THSD4: variants seen among roughly 807,000 people sequenced by gnomAD.
THSD4 encodes thrombospondin type-1 domain-containing protein 4.
In THSD4, 69 loss-of-function variants were observed where a neutral mutation model predicts 119.0. The ratio of observed to expected loss-of-function variants is 0.58; its 90% CI spans 0.48 to 0.71. The LOEUF (loss-of-function observed/expected upper bound fraction) is 0.71. THSD4 is among the 30% of genes least tolerant of loss of function. The probability of loss-of-function intolerance (pLI) is 0.00; values close to 1 mark genes in which losing one functional copy is unlikely to be tolerated. For missense variants in THSD4, 1,393 were observed against 1,391.1 expected (o/e 1.00, Z -0.02); for synonymous variants, 524 against 540.4 (o/e 0.97, Z 0.42).
In THSD4 at chr15:71,762,150, AAC is replaced by A. The variant is rs72267245; in HGVS notation, c.2590-2842_2590-2841del. On this transcript the variant is annotated intron_variant, in intron 15 of 17. Coordinates refer to ENST00000261862, the MANE Select transcript of THSD4 (RefSeq NM_024817.3). ...AAATGCTGTCTCATGCGCGTGTGCA[AAC>A]ACACACACACACACACACACACACA... Among the ~76,000 whole-genome samples, 945 of 112,102 alleles carry A rather than the reference AAC, an allele frequency of 8.4e-3. 4 individuals are homozygous for A. Among genetic ancestry groups the A allele is most frequent in the South Asian group, 0.035 (117 of 3,378 alleles). 73.5% of individuals were successfully genotyped at this position (112,102 alleles called of 152,430 possible).
At chr15:71,463,693 C>G (rs1033616266) in intron 7 of THSD4, among the ~76,000 whole-genome samples, 1 of 152,164 alleles carries the variant, frequency 6.6e-6, no homozygotes, top group Admixed American at 6.5e-5. Context: ...ATTGACCGAC[C>G]TCTTGTCCTC....
At chr15:71,664,088 T>G (rs2051365775) in intron 8 of THSD4, among the ~76,000 whole-genome samples, 3 of 152,078 alleles carry the variant, frequency 2.0e-5, no homozygotes, top group Non-Finnish European at 4.4e-5. Context: ...GTTCACGCCA[T>G]TCTCCTGCCT....
intron 7 of THSD4, among the ~76,000 whole-genome samples, chr15:71,608,241 TATATATATAC>T (rs1292688038): frequency 1.2e-5 from 1 of 80,410 alleles, no homozygotes; most frequent in Admixed American, 1.6e-4. Context: ...AAAAAAAATA[TATATATATAC>T]ACACACACAC....
chr15:71,514,993 A>G lies in THSD4; in HGVS notation c.1152+103170A>G, dbSNP rs186646896. Among the ~76,000 whole-genome samples the G allele has an allele frequency of 3.8e-3, 582 of 152,346 alleles. 2 individuals are homozygous for G. Among genetic ancestry groups the G allele is most frequent in the Non-Finnish European group, 6.0e-3 (410 of 68,028 alleles). ...CTACCCCCTACAAGAGAACATCTTG[A>G]ACATAACACATTTGCTCACTTTTTT... On this transcript the variant is annotated intron_variant, in intron 7 of 17. Transcript: ENST00000261862.
intron 7 of THSD4, among the ~76,000 whole-genome samples, chr15:71,585,213 C>T (rs62022801): frequency 0.33 from 50,357 of 151,972 alleles, 9,250 homozygotes; most frequent in Middle Eastern, 0.44. Flanking sequence ...ATTGCTAATT[C>T]GTGTCTTTTT....
intron 7 of THSD4, among the ~76,000 whole-genome samples, chr15:71,435,305 CAA>C (rs2046998139): frequency 6.6e-6 from 1 of 152,110 alleles, no homozygotes; most frequent in Admixed American, 6.5e-5. Flanking sequence ...GCAAATTCCT[CAA>C]AGGCTCCAAA....
chr15:71,426,388 TG>T (rs2046867997), intron 7 of THSD4, among the ~76,000 whole-genome samples: 8 of 134,664 alleles, frequency 5.9e-5, no homozygotes, highest in South Asian at 2.4e-4. Flanking sequence ...TGTGTGTGTG[TG>T]TGTGTGTGTG....
chr15:71,341,431 C>G (rs1166343959), intron 6 of THSD4: 2 of 1,612,962 alleles, frequency 1.2e-6, no homozygotes, highest in African/African-American at 1.3e-5. Context: ...CGTTTTTAAG[C>G]ATGTGCAGCA....
intron 6 of THSD4, among the ~76,000 whole-genome samples, chr15:71,343,231 G>A (rs2045605960): frequency 6.6e-6 from 1 of 152,222 alleles, no homozygotes; most frequent in African/African-American, 2.4e-5. Context: ...TAGGTAGGTA[G>A]GTAGATAGAT....
chr15:71,113,089 C>T (rs574240445), upstream of THSD4, among the ~76,000 whole-genome samples: 87 of 152,196 alleles, frequency 5.7e-4, no homozygotes, highest in African/African-American at 1.8e-3. Context: ...CCTGGGAGGC[C>T]GCAGTGAGAG....
At chr15:71,342,231 T>G (rs552597228) in intron 6 of THSD4, 1 of 179,682 alleles carries the variant, frequency 5.6e-6, no homozygotes, top group South Asian at 1.2e-4. Flanking sequence ...GCTGATGAGG[T>G]TTTAAAATAC....
At chr15:71,571,435 A>G (rs892681097) in intron 7 of THSD4, among the ~76,000 whole-genome samples, 1 of 152,116 alleles carries the variant, frequency 6.6e-6, no homozygotes, top group Admixed American at 6.5e-5. Flanking sequence ...AATAAAACAG[A>G]AATGTTTAGC....
At chr15:71,148,663 C>G (rs940103078) in intron 2 of THSD4, among the ~76,000 whole-genome samples, 1 of 152,142 alleles carries the variant, frequency 6.6e-6, no homozygotes, top group Non-Finnish European at 1.5e-5. Context: ...ATAAAGGAGG[C>G]TGTGAAGCCA....
intron 6 of THSD4, among the ~76,000 whole-genome samples, chr15:71,327,684 G>A (rs2045364319): frequency 6.6e-6 from 1 of 151,934 alleles, no homozygotes; most frequent in African/African-American, 2.4e-5. Flanking sequence ...AATGCTGAAT[G>A]TATATGGCAT....
intron 10 of THSD4, among the ~76,000 whole-genome samples, chr15:71,734,190 A>G (rs539437198): frequency 3.9e-5 from 6 of 152,330 alleles, no homozygotes; most frequent in Admixed American, 2.0e-4. Flanking sequence ...TACTTGAACA[A>G]TATTCAGTCA....
At chr15:71,101,076 T>C (rs2040251817) in intron 1 of THSD4, among the ~76,000 whole-genome samples, 1 of 152,122 alleles carries the variant, frequency 6.6e-6, no homozygotes, top group African/African-American at 2.4e-5. Context: ...TTTTATCACA[T>C]ATTTTATGTT....
chr15:71,742,204 T>G (rs1176062670), intron 11 of THSD4, among the ~76,000 whole-genome samples: 6 of 152,232 alleles, frequency 3.9e-5, no homozygotes, highest in Non-Finnish European at 8.8e-5. Context: ...CACACAGTTC[T>G]GTGCTTTTCA....
intron 7 of THSD4, among the ~76,000 whole-genome samples, chr15:71,617,836 A>G (rs1567064965): frequency 6.6e-6 from 1 of 152,192 alleles, no homozygotes; most frequent in African/African-American, 2.4e-5. Flanking sequence ...TAAATTACTA[A>G]CATTTGGGGG....
chr15:71,395,463 C>T (rs1378030734), intron 6 of THSD4, among the ~76,000 whole-genome samples: 1 of 152,080 alleles, frequency 6.6e-6, no homozygotes, highest in Non-Finnish European at 1.5e-5. Context: ...TGAGACTGGC[C>T]GGGTGCTGTG....
Sources: gnomAD v4.1 joint callset for allele counts (sites outside exome capture counted in the v4.1 genomes callset) on GRCh38, gnomAD v4.1.1 for gene constraint, MANE v1.5 for transcripts, NCBI Gene and HGNC (gene_info 2026-07-23, HGNC 2026-07-21) for gene names.